Variants in PVT1 observed in about 807,000 individuals in gnomAD.
The protein encoded by PVT1 is Pvt1 oncogene.
chr8:128,020,923 C>T (rs1191221796), intron 4 of PVT1, among the ~76,000 whole-genome samples: 2 of 152,180 alleles, frequency 1.3e-5, no homozygotes, highest in African/African-American at 4.8e-5. Flanking sequence ...CCCTGCTGCT[C>T]CTGAATGAGC....
chr8:127,875,855 T>A (rs1815399017), intron 2 of PVT1, among the ~76,000 whole-genome samples: 1 of 152,234 alleles, frequency 6.6e-6, no homozygotes, highest in Non-Finnish European at 1.5e-5. Flanking sequence ...GGTCGTGGGC[T>A]CCTTCTTCTC....
Position 127,896,290 on chromosome 8 carries a change from A to G in PVT1, n.782+5292A>G, listed in dbSNP as rs147390688. ...GCATTGACAAGGAGTGGTCTCGGTG[A>G]CAGTTTTGGGAAGTCAGTTTAGAAC... On this transcript the variant is annotated intron_variant and non_coding_transcript_variant, in intron 3 of 10. Coordinates refer to ENST00000651587, the Ensembl canonical transcript of PVT1. 3.7e-4 allele frequency among the ~76,000 whole-genome samples: 56 copies of G among 152,014 alleles called. 1 individual carries two copies. Among genetic ancestry groups the G allele is most frequent in the African/African-American group, 1.3e-3 (54 of 41,470 alleles).
intron 4 of PVT1, among the ~76,000 whole-genome samples, chr8:128,013,831 T>C (rs142413692): frequency 3.8e-4 from 58 of 152,344 alleles, no homozygotes; most frequent in African/African-American, 1.4e-3. Flanking sequence ...CCTTGTCAAA[T>C]GAATTAATGA....
intron 2 of PVT1, among the ~76,000 whole-genome samples, chr8:127,806,549 A>T (rs776768746): frequency 9.9e-5 from 15 of 152,194 alleles, no homozygotes; most frequent in Non-Finnish European, 2.2e-4. Context: ...TCTAATTTCT[A>T]GTCAGTAAAA....
intron 4 of PVT1, among the ~76,000 whole-genome samples, chr8:127,995,508 G>T (rs1412788853): frequency 6.6e-6 from 1 of 152,158 alleles, no homozygotes; most frequent in Admixed American, 6.5e-5. Flanking sequence ...CTTTAATTGT[G>T]CATTATATCA....
intron 2 of PVT1, among the ~76,000 whole-genome samples, chr8:127,888,800 C>T (rs1028683637): frequency 1.3e-5 from 2 of 152,242 alleles, no homozygotes; most frequent in African/African-American, 4.8e-5. Context: ...GCAGCCCTCC[C>T]AACAGCCTGA....
chr8:128,000,611 A>G (rs4733822), intron 4 of PVT1, among the ~76,000 whole-genome samples: 37,817 of 152,220 alleles, frequency 0.25, 4,970 homozygotes, highest in East Asian at 0.41. Context: ...GAAAACTGGC[A>G]GGTGGGAAGG....
Position 127,921,852 on chromosome 8 carries a change from ATGTT to A in PVT1, n.782+30856_782+30859del, listed in dbSNP as rs1445837763. On this transcript the variant is annotated intron_variant and non_coding_transcript_variant, in intron 3 of 10. Transcript: ENST00000651587. The stretch of plus-strand genomic sequence containing the variant: ...TTAAAAAAATTATAATTTTTGGTTC[ATGTT>A]TTTTTTTTTTTTTTTTTTTTTTGAG... Among the ~76,000 whole-genome samples, 139 of 82,026 alleles carry A rather than the reference ATGTT, an allele frequency of 1.7e-3. 2 individuals are homozygous for A. Among genetic ancestry groups the A allele is most frequent in the African/African-American group, 5.1e-3 (128 of 25,302 alleles). The allele number at this position is 82,026 out of a possible 152,430, so 53.8% of individuals were successfully genotyped here.
chr8:127,885,105 C>T (rs1159147430), intron 2 of PVT1, among the ~76,000 whole-genome samples: 1 of 151,898 alleles, frequency 6.6e-6, no homozygotes, highest in Admixed American at 6.6e-5. Context: ...GACGGTACTC[C>T]AGTCCTGACA....
intron 2 of PVT1, among the ~76,000 whole-genome samples, chr8:127,862,042 A>C (rs1466782775): frequency 6.6e-6 from 1 of 152,210 alleles, no homozygotes; most frequent in Non-Finnish European, 1.5e-5. Flanking sequence ...CACAGGCAAT[A>C]TTAGGGGTTG....
chr8:127,803,125 CT>C lies in PVT1; in HGVS notation n.372+7075del, dbSNP rs57755504. ...GTGATTTCTTTTTCTTTCTTTCTTT[CT>C]TTTTTTTTTTTTTTTTTTTTAAGAC... On this transcript the variant is annotated intron_variant and non_coding_transcript_variant, in intron 2 of 10. Transcript: ENST00000651587. 8.2e-3 allele frequency: 866 copies of C among 105,330 alleles called. 12 individuals carry two copies. The highest frequency in any genetic ancestry group is 0.03 in the African/African-American group (754 of 25,556). The allele number at this position is 105,330 out of a possible 1,614,324, so 6.5% of individuals were successfully genotyped here.
intron 3 of PVT1, among the ~76,000 whole-genome samples, chr8:127,935,186 G>C (rs542274620): frequency 6.6e-6 from 1 of 152,034 alleles, no homozygotes; most frequent in African/African-American, 2.4e-5. Context: ...GGCTGGTCTC[G>C]AGCTCCGGAC....
At chr8:127,918,026 G>A (rs1290033173) in intron 3 of PVT1, among the ~76,000 whole-genome samples, 1 of 152,264 alleles carries the variant, frequency 6.6e-6, no homozygotes, top group African/African-American at 2.4e-5. Context: ...GTAAGAGTGG[G>A]TAATTTTGGG....
rs2648855 is a variant in PVT1 at position 128,042,972 on chromosome 8, C to T, written n.913-27188C>T. ...AGAGACAGGGTTTCACCATGTTGGC[C>T]AGGCTGGTCTCGAACTCCTGGCCTC... On this transcript the variant is annotated intron_variant and non_coding_transcript_variant, in intron 4 of 10. Transcript: ENST00000651587. Among the ~76,000 whole-genome samples the T allele has an allele frequency of 7.6e-4, 115 of 152,108 alleles. 1 individual carries two copies. In the East Asian group the frequency reaches 0.021, roughly 27 times the overall value.
intron 3 of PVT1, among the ~76,000 whole-genome samples, chr8:127,982,351 T>G (rs1263004369): frequency 6.6e-6 from 1 of 152,202 alleles, no homozygotes; most frequent in Non-Finnish European, 1.5e-5. Flanking sequence ...GAGTCTTTAA[T>G]CATTCTAGTC....
intron 4 of PVT1, among the ~76,000 whole-genome samples, chr8:128,062,800 A>G (rs1274038158): frequency 6.6e-6 from 1 of 151,954 alleles, no homozygotes; most frequent in East Asian, 1.9e-4. Flanking sequence ...GTTATTTCTG[A>G]TTTGAGAGAT....
chr8:127,998,877 T>C (rs4289773), intron 4 of PVT1, among the ~76,000 whole-genome samples: 45 of 143,500 alleles, frequency 3.1e-4, no homozygotes, highest in African/African-American at 6.7e-4. Flanking sequence ...CTCTCTCTCT[T>C]TTTTTGGTGC....
chr8:128,000,970 C>T (rs1817170608), intron 4 of PVT1, among the ~76,000 whole-genome samples: 1 of 152,236 alleles, frequency 6.6e-6, no homozygotes, highest in South Asian at 2.1e-4. Flanking sequence ...TGTTTTTTAT[C>T]TGAAATTCTA....
chr8:128,014,281 T>A (rs534602267), intron 4 of PVT1, among the ~76,000 whole-genome samples: 3 of 152,370 alleles, frequency 2.0e-5, no homozygotes, highest in Admixed American at 2.0e-4. Flanking sequence ...TCCTCATCTC[T>A]ACAAGGGGGG....
Sources: allele counts gnomAD v4.1 joint callset (sites outside exome capture counted in the v4.1 genomes callset), GRCh38; gene constraint gnomAD v4.1.1; transcripts MANE v1.5; gene names NCBI Gene and HGNC (gene_info 2026-07-23, HGNC 2026-07-21).